The following ARMC8 variants were observed in gnomAD, a reference collection of about 807,000 sequenced individuals.
ARMC8 encodes the protein armadillo repeat containing 8, also known as armadillo repeat-containing protein 8.
ARMC8 carries 20 observed loss-of-function variants against 99.3 expected under a neutral mutation model. The ratio of observed to expected loss-of-function variants is 0.20; its 90% CI spans 0.14 to 0.29. The LOEUF is 0.29. ARMC8 is among the 10% of genes least tolerant of loss of function. The pLI, the probability that ARMC8 is intolerant of heterozygous loss-of-function variation, is 1.00. For missense variants in ARMC8, 569 were observed against 809.5 expected, an observed-to-expected ratio of 0.70 and a Z score of 3.60; for synonymous variants, 263 against 278.3, an observed-to-expected ratio of 0.95 and a Z score of 0.55.
chr3:138,200,576 A>G (rs373641801), intron 1 of ARMC8, among the ~76,000 whole-genome samples: 1 of 152,278 alleles, frequency 6.6e-6, no homozygotes, highest in African/African-American at 2.4e-5. Context: ...GTCCTTGCCC[A>G]CTAGATATCA....
intron 2 of ARMC8, among the ~76,000 whole-genome samples, chr3:138,218,211 G>C (rs1214218653): frequency 6.6e-6 from 1 of 151,764 alleles, no homozygotes; most frequent in Non-Finnish European, 1.5e-5. Flanking sequence ...ATAAGCATAG[G>C]GGTCTGGAGA....
At chr3:138,202,333 C>T (rs1260356210) in intron 1 of ARMC8, among the ~76,000 whole-genome samples, 1 of 152,120 alleles carries the variant, frequency 6.6e-6, no homozygotes. Flanking sequence ...TGAAAATGAA[C>T]TAGAACATAC....
At chr3:138,194,083 C>T (rs1469492820) in intron 1 of ARMC8, among the ~76,000 whole-genome samples, 1 of 150,680 alleles carries the variant, frequency 6.6e-6, no homozygotes, top group East Asian at 1.9e-4. Context: ...CGCTCTGTCT[C>T]CCAGGCTGGA....
chr3:138,200,793 A>G (rs2044014013), intron 1 of ARMC8, among the ~76,000 whole-genome samples: 1 of 151,948 alleles, frequency 6.6e-6, no homozygotes, highest in Non-Finnish European at 1.5e-5. Context: ...ATGCTATTAA[A>G]CATTTTTTCC....
intron 12 of ARMC8, chr3:138,263,422 T>C (rs1341432235): frequency 1.5e-5 from 4 of 274,874 alleles, no homozygotes; most frequent in Non-Finnish European, 2.1e-5. Context: ...ATTTATTTCT[T>C]TTCCTTTTTC....
intron 12 of ARMC8, among the ~76,000 whole-genome samples, chr3:138,247,917 G>GCAC (rs1293292226): frequency 2.0e-5 from 3 of 152,222 alleles, no homozygotes; most frequent in African/African-American, 7.2e-5. Flanking sequence ...ATAAATATTT[G>GCAC]TTGAATAAAT....
chr3:138,288,800 G>A (rs868722316), intron 19 of ARMC8, among the ~76,000 whole-genome samples: 7 of 152,046 alleles, frequency 4.6e-5, no homozygotes, highest in Middle Eastern at 6.8e-3. Context: ...ACTACACCCG[G>A]CAAATTTTTG....
At chr3:138,223,993 C>T (rs931704417) in intron 5 of ARMC8, among the ~76,000 whole-genome samples, 1 of 142,174 alleles carries the variant, frequency 7.0e-6, no homozygotes, top group African/African-American at 2.6e-5. Context: ...GAGTCTTGCT[C>T]TGTCACCCAG....
At chr3:138,187,736 A>G in intron 1 of ARMC8, 137 bp downstream of exon 1, 1 of 960,812 alleles carries the variant, frequency 1.0e-6, no homozygotes, top group Non-Finnish European at 1.5e-6. Flanking sequence ...CCAGGGAGTG[A>G]GCGAGGGTGG....
intron 15 of ARMC8, among the ~76,000 whole-genome samples, chr3:138,269,092 A>G (rs1560020229): frequency 2.0e-5 from 3 of 152,226 alleles, no homozygotes; most frequent in Admixed American, 2.0e-4. Flanking sequence ...GAGATGATAA[A>G]TTAACAATGG....
chr3:138,188,259 GCCTGGTATT>G (rs903497125), intron 1 of ARMC8: 13 of 660,850 alleles, frequency 2.0e-5, no homozygotes, highest in Admixed American at 1.6e-4. Context: ...TGTTCCCTGT[GCCTGGTATT>G]CCGTTTTTCT....
intron 1 of ARMC8, among the ~76,000 whole-genome samples, chr3:138,205,045 C>CTT (rs2044282340): frequency 7.7e-6 from 1 of 130,392 alleles, no homozygotes; most frequent in African/African-American, 3.0e-5. Context: ...AACTCAGTCT[C>CTT]TTTTCTTTTC....
chr3:138,236,899 T>C (rs1222068880), intron 7 of ARMC8, among the ~76,000 whole-genome samples: 1 of 152,188 alleles, frequency 6.6e-6, no homozygotes, highest in African/African-American at 2.4e-5. Flanking sequence ...TAAATTTTAT[T>C]GTAATATTGT....
rs1309132470 is a variant in ARMC8 at position 138,229,187 on chromosome 3, TATGTATATGTA to T, written c.528+178_528+188del. 12 of 111,266 alleles carry T rather than the reference TATGTATATGTA, an allele frequency of 1.1e-4. 1 individual carries two copies. Among genetic ancestry groups the T allele is most frequent in the African/African-American group, 4.9e-4 (12 of 24,682 alleles). The allele number at this position is 111,266 out of a possible 1,614,324, so 6.9% of individuals were successfully genotyped here. A position where few individuals can be genotyped will look rare whatever the true frequency, so the allele number is the denominator to read the frequency against. ...ATATATATATATATATATATATGTATATGTATATGTATATGTATATATAAAATATATATATA... is the reference window on the plus strand; with the variant it reads ...ATATATATATATATATATATATGTATTATGTATATATAAAATATATATATA... On this transcript the variant is annotated intron_variant, in intron 6 of 21. Transcript: ENST00000469044.
chr3:138,274,233 ATGTG>A (rs142329302), intron 17 of ARMC8, among the ~76,000 whole-genome samples: 2,258 of 142,312 alleles, frequency 0.016, 29 homozygotes, highest in African/African-American at 0.039. Context: ...GTGTATATAC[ATGTG>A]TGTGTGTGTG....
At chr3:138,254,655 T>C (rs923156362) in intron 12 of ARMC8, among the ~76,000 whole-genome samples, 8 of 152,210 alleles carry the variant, frequency 5.3e-5, no homozygotes, top group African/African-American at 1.9e-4. Context: ...TAGAGAAATA[T>C]TTTTTGATAG....
intron 2 of ARMC8, among the ~76,000 whole-genome samples, chr3:138,215,985 C>T (rs768904798): frequency 6.6e-6 from 1 of 151,422 alleles, no homozygotes; most frequent in Non-Finnish European, 1.5e-5. Flanking sequence ...CTCAGCCTCC[C>T]GAGTAGCTGG....
At chr3:138,262,993 C>T (rs954407283) in intron 12 of ARMC8, among the ~76,000 whole-genome samples, 1 of 152,168 alleles carries the variant, frequency 6.6e-6, no homozygotes, top group African/African-American at 2.4e-5. Context: ...ATGCTTAGCA[C>T]AGTGCTTGGC....
chr3:138,198,714 G>C (rs2724683), intron 1 of ARMC8, among the ~76,000 whole-genome samples: 1 of 151,838 alleles, frequency 6.6e-6, no homozygotes, highest in Non-Finnish European at 1.5e-5. Flanking sequence ...AGGTTTCACT[G>C]TGTTAGCCAG....
Sources: gnomAD v4.1 joint callset for allele counts (sites outside exome capture counted in the v4.1 genomes callset) on GRCh38, gnomAD v4.1.1 for gene constraint, MANE v1.5 for transcripts, NCBI Gene and HGNC (gene_info 2026-07-23, HGNC 2026-07-21) for gene names.